Variants in C2CD3 observed in about 807,000 individuals in gnomAD.
C2CD3 encodes C2 domain containing 3 centriole elongation regulator, also known as C2 domain-containing protein 3.
C2CD3 carries 148 observed loss-of-function variants against 234.0 expected under a neutral mutation model. That is an observed-to-expected ratio of 0.63 (90% confidence interval 0.55 to 0.72). The LOEUF (loss-of-function observed/expected upper bound fraction) is 0.72. Among genes scored for constraint, C2CD3 ranks in the 30% least tolerant of loss-of-function variants. The probability of loss-of-function intolerance (pLI) is 0.00; values close to 1 mark genes in which losing one functional copy is unlikely to be tolerated. For missense variants in C2CD3, 2,577 were observed against 2,811.5 expected (o/e 0.92, Z 1.89); for synonymous variants, 1,000 against 1,035.4 (o/e 0.97, Z 0.66).
At chr11:74,116,994 G>GTGTATATGTATATATACACATATATACA (rs1956988626) in intron 9 of C2CD3, among the ~76,000 whole-genome samples, 4 of 114,530 alleles carry the variant, frequency 3.5e-5, no homozygotes, top group Non-Finnish European at 7.1e-5. Context: ...ACACATATAC[G>GTGTATATGTATATATACACATATATACA]TGTATATGTA....
chr11:74,062,579 G>A (rs868655349), intron 24 of C2CD3, among the ~76,000 whole-genome samples: 6 of 151,998 alleles, frequency 3.9e-5, no homozygotes, highest in Non-Finnish European at 5.9e-5. Context: ...AAACCAATGA[G>A]AACAAAGACA....
intron 31 of C2CD3, among the ~76,000 whole-genome samples, chr11:74,030,306 C>T (rs541534678): frequency 2.6e-5 from 4 of 152,266 alleles, no homozygotes; most frequent in South Asian, 2.1e-4. Flanking sequence ...AATGGTGCCT[C>T]GATAAATGTC....
intron 9 of C2CD3, among the ~76,000 whole-genome samples, chr11:74,114,946 C>T (rs1956874723): frequency 6.6e-6 from 1 of 152,030 alleles, no homozygotes; most frequent in Non-Finnish European, 1.5e-5. Flanking sequence ...AAGCAATCCT[C>T]CTGCCTCAGC....
chr11:74,090,460 A>G (rs1955844775), intron 20 of C2CD3, among the ~76,000 whole-genome samples: 1 of 152,178 alleles, frequency 6.6e-6, no homozygotes, highest in Admixed American at 6.5e-5. Context: ...CAAGCTGGAA[A>G]AATAGGAGGT....
chr11:74,098,934 C>T (rs917610236), intron 15 of C2CD3, among the ~76,000 whole-genome samples: 7 of 152,076 alleles, frequency 4.6e-5, no homozygotes, highest in South Asian at 2.1e-4. Flanking sequence ...TTAAAACGTA[C>T]GCAATGAAAA....
At position 74,098,013 on chromosome 11, in the gene C2CD3, G is replaced by A; in HGVS notation, c.2975C>T (p.Ala992Val). The change falls in exon 16 of 33, where the codon GCT becomes GTT. Residue 992 changes from alanine to valine, a missense_variant. Ala to Val is a moderately conservative substitution (Grantham distance 64). Coordinates refer to ENST00000334126, the MANE Select transcript of C2CD3 (RefSeq NM_001286577.2). ...FLDQPTAASV[A>V]MAEDRGNGLM... ...GTAAACCATAGCGTTTATTACCATA[G>A]CAACAGATGCTGCAGTTGGCTGGTC... is the stretch of plus-strand genomic sequence containing the variant. 6.2e-7 allele frequency: 1 copy of A among 1,613,772 alleles called. No individual in the cohort carries two copies. The highest frequency in any genetic ancestry group is 8.5e-7 in the Non-Finnish European group (1 of 1,179,852).
Position 74,054,632 on chromosome 11 carries a change from C to G in C2CD3, c.5130G>C (p.Leu1710=). The G allele has an allele frequency of 6.2e-7, 1 of 1,611,638 alleles. No individual in the cohort carries two copies. The highest frequency in any genetic ancestry group is 1.7e-5 in the Admixed American group (1 of 59,726). The part of the protein sequence containing the change: ...KELLLDPQQT[L]VFKVWHKGDE... ...CTCCTTTATGCCAAACTTTGAAGAC[C>G]AGGGTTTGTTGTGGGTCCAGAAGCA... The change falls in exon 26 of 33, where the codon CTG becomes CTC. Residue 1710 remains leucine, a synonymous_variant. Transcript: ENST00000334126.
At chr11:74,026,398 G>C (rs1565205361) in intron 32 of C2CD3, among the ~76,000 whole-genome samples, 1 of 152,142 alleles carries the variant, frequency 6.6e-6, no homozygotes, top group African/African-American at 2.4e-5. Flanking sequence ...ATGGTGCTGA[G>C]GAGGTTGGAA....
intron 3 of C2CD3, among the ~76,000 whole-genome samples, chr11:74,146,712 A>ACG (rs1565344547): frequency 1.9e-5 from 1 of 53,156 alleles, no homozygotes; most frequent in African/African-American, 7.2e-5. Flanking sequence ...AAGTCAAACC[A>ACG]CACACACACA....
At chr11:74,051,473 T>C (rs1040839081) in intron 26 of C2CD3, among the ~76,000 whole-genome samples, 4 of 152,162 alleles carry the variant, frequency 2.6e-5, no homozygotes, top group Non-Finnish European at 4.4e-5. Context: ...GAGGAGTGCT[T>C]TGGCTAAGCA....
At chr11:74,026,399 G>A (rs1178845838) in intron 32 of C2CD3, among the ~76,000 whole-genome samples, 1 of 152,154 alleles carries the variant, frequency 6.6e-6, no homozygotes. Flanking sequence ...TGGTGCTGAG[G>A]AGGTTGGAAG....
chr11:74,102,529 G>T (rs761369614), intron 14 of C2CD3, among the ~76,000 whole-genome samples: 13 of 152,224 alleles, frequency 8.5e-5, no homozygotes, highest in Admixed American at 3.9e-4. Context: ...GAAGTGGGTT[G>T]ATTTGGAAGA....
At chr11:74,106,301 T>C in intron 13 of C2CD3, 70 bp downstream of exon 13, 1 of 1,509,280 alleles carries the variant, frequency 6.6e-7, no homozygotes, top group Non-Finnish European at 9.1e-7. Flanking sequence ...TTCACTGCTA[T>C]ATCCTCAGTG....
intron 22 of C2CD3, among the ~76,000 whole-genome samples, chr11:74,084,269 A>G (rs922747225): frequency 2.0e-5 from 3 of 151,974 alleles, no homozygotes; most frequent in African/African-American, 7.3e-5. Context: ...CACGGCGGGG[A>G]ACATTACACC....
chr11:74,139,548 A>C (rs1431732334), intron 4 of C2CD3, 57 bp downstream of exon 4: 1 of 1,189,668 alleles, frequency 8.4e-7, no homozygotes, highest in African/African-American at 1.5e-5. Context: ...AAAGACAGAA[A>C]TCACAACTAC....
At chr11:74,139,920 A>C in intron 3 of C2CD3, 92 bp from the exon 4 acceptor site, 1 of 680,142 alleles carries the variant, frequency 1.5e-6, no homozygotes, top group Admixed American at 2.1e-5. Flanking sequence ...AATGTCCCCC[A>C]TTCCCTACAG....
chr11:74,033,755 C>A lies in C2CD3; in HGVS notation c.6405G>T (p.Arg2135Ser). ...GCCTAGGCAGGTGGGGGTTGACAGC[C>A]CTTTCTGGGCTGGAGAGAAAGCTAC... ...VKSSFLSSPE[R>S]AVNPHLPRQG... The change falls in exon 31 of 33, where the codon AGG (arginine) becomes AGT (serine). Residue 2135 changes from arginine to serine, a missense_variant. Physicochemically the swap from Arg to Ser is moderately radical, Grantham distance 110. Transcript: ENST00000334126. The A allele has an allele frequency of 1.3e-6, 2 of 1,536,298 alleles. No homozygotes were observed. Among genetic ancestry groups the A allele is most frequent in the Non-Finnish European group, 1.7e-6 (2 of 1,146,962 alleles).
chr11:74,024,455 T>C (rs576216254), intron 32 of C2CD3, among the ~76,000 whole-genome samples: 8 of 152,264 alleles, frequency 5.3e-5, no homozygotes, highest in African/African-American at 1.9e-4. Flanking sequence ...GAAGAAGAAA[T>C]GCAGAACAAC....
chr11:74,168,262 T>C (rs1005450245), intron 2 of C2CD3, 82 bp downstream of exon 2: 15 of 1,139,478 alleles, frequency 1.3e-5, no homozygotes, highest in Non-Finnish European at 1.7e-5. Context: ...ATATGCTAGG[T>C]ACACAACAAC....
Sources: allele counts gnomAD v4.1 joint callset (sites outside exome capture counted in the v4.1 genomes callset), GRCh38; gene constraint gnomAD v4.1.1; transcripts MANE v1.5; gene names NCBI Gene and HGNC (gene_info 2026-07-23, HGNC 2026-07-21).